The following NAALADL2 variants were observed in gnomAD, a reference collection of about 807,000 sequenced individuals.
NAALADL2 encodes the protein N-acetylated alpha-linked acidic dipeptidase like 2, also known as inactive N-acetylated-alpha-linked acidic dipeptidase-like protein 2.
Under a neutral mutation model 87.2 loss-of-function variants are expected in NAALADL2, and 76 were observed. The ratio of observed to expected loss-of-function variants is 0.87; its 90% confidence interval spans 0.72 to 1.05. The LOEUF is 1.05. Among genes scored for constraint, NAALADL2 ranks in the 50% least tolerant of loss-of-function variants. The pLI is 0.00. For missense variants in NAALADL2, 1,089 were observed against 945.8 expected, an observed-to-expected ratio of 1.15 and a Z score of -1.99; for synonymous variants, 354 against 331.0, an observed-to-expected ratio of 1.07 and a Z score of -0.75.
chr3:175,741,354 G>T (rs558283366), intron 12 of NAALADL2, among the ~76,000 whole-genome samples: 1 of 152,104 alleles, frequency 6.6e-6, no homozygotes, highest in Non-Finnish European at 1.5e-5. Flanking sequence ...AATTTTTTAG[G>T]GCTCTGGCCT....
intron 2 of NAALADL2, among the ~76,000 whole-genome samples, chr3:175,114,117 G>T (rs551168882): frequency 6.6e-6 from 1 of 151,598 alleles, no homozygotes; most frequent in South Asian, 2.1e-4. Context: ...GTACAGTCTG[G>T]TTTCAAAGAG....
chr3:175,141,470 TAG>T (rs573544402), intron 2 of NAALADL2, among the ~76,000 whole-genome samples: 61 of 152,004 alleles, frequency 4.0e-4, no homozygotes, highest in Non-Finnish European at 6.5e-4. Context: ...AGTTTTCAAA[TAG>T]AGAGAGTAGA....
chr3:175,445,753 A>G (rs13077057), intron 5 of NAALADL2, among the ~76,000 whole-genome samples: 123,213 of 152,182 alleles, frequency 0.81, 50,105 homozygotes, highest in Middle Eastern at 0.89. Flanking sequence ...TAAGCTAATA[A>G]TTGTCTCCCT....
intron 10 of NAALADL2, among the ~76,000 whole-genome samples, chr3:175,588,284 T>C (rs1720838022): frequency 6.6e-6 from 1 of 151,972 alleles, no homozygotes; most frequent in South Asian, 2.1e-4. Flanking sequence ...CTCAATTGGG[T>C]TTTGGTCTAA....
chr3:174,729,744 C>G lies in NAALADL2; in HGVS notation c.-114-7897C>G, dbSNP rs550643370. On this transcript the variant is annotated intron_variant, in intron 2 of 3. Coordinates refer to the NAALADL2 transcript ENST00000434257. ...TCTTAATTATTTTATCCCATCATTC[C>G]TCTTGTTTTGAAAAAAATTAAAAGA... Among the ~76,000 whole-genome samples the G allele has an allele frequency of 2.0e-5, 3 of 151,590 alleles. No homozygotes were observed. In the South Asian group the frequency reaches 6.3e-4, roughly 32 times the overall value.
chr3:175,349,753 A>G (rs569139277), intron 5 of NAALADL2, among the ~76,000 whole-genome samples: 4 of 152,276 alleles, frequency 2.6e-5, no homozygotes, highest in African/African-American at 7.2e-5. Context: ...TATTTGCACC[A>G]TAGTAGCCAT....
chr3:175,181,713 G>GTGTGTGTGTGTATATGCATATATA (rs1736526772), intron 2 of NAALADL2, among the ~76,000 whole-genome samples: 1 of 37,062 alleles, frequency 2.7e-5, no homozygotes, highest in Non-Finnish European at 5.8e-5. Flanking sequence ...ATGTGTGTGT[G>GTGTGTGTGTGTATATGCATATATA]TGTGTATATA....
intron 2 of NAALADL2, among the ~76,000 whole-genome samples, chr3:174,633,422 A>T (rs1194342483): frequency 1.3e-5 from 2 of 152,206 alleles, no homozygotes; most frequent in Non-Finnish European, 2.9e-5. Flanking sequence ...AGCCTGAAAC[A>T]TTGACTTTTA....
intron 4 of NAALADL2, among the ~76,000 whole-genome samples, chr3:175,315,653 T>C (rs529368106): frequency 1.4e-4 from 22 of 152,300 alleles, no homozygotes; most frequent in Middle Eastern, 3.4e-3. Context: ...CTATAAATAC[T>C]GTGAAATAGT....
intron 11 of NAALADL2, among the ~76,000 whole-genome samples, chr3:175,706,752 T>A (rs1007237451): frequency 6.6e-6 from 1 of 152,080 alleles, no homozygotes; most frequent in African/African-American, 2.4e-5. Context: ...CTAGAAAACG[T>A]CAAGGTTTGA....
intron 2 of NAALADL2, among the ~76,000 whole-genome samples, chr3:175,149,525 C>G (rs1174031261): frequency 6.6e-6 from 1 of 151,786 alleles, no homozygotes; most frequent in Non-Finnish European, 1.5e-5. Flanking sequence ...AAAACATTAG[C>G]TATGTCTTTT....
intron 1 of NAALADL2, among the ~76,000 whole-genome samples, chr3:174,972,497 C>T (rs537859735): frequency 2.0e-5 from 3 of 152,134 alleles, no homozygotes; most frequent in Non-Finnish European, 4.4e-5. Flanking sequence ...CACCTGCATC[C>T]TTGATATCTC....
intron 4 of NAALADL2, among the ~76,000 whole-genome samples, chr3:175,285,178 G>A (rs1293864680): frequency 6.6e-6 from 1 of 152,016 alleles, no homozygotes; most frequent in Non-Finnish European, 1.5e-5. Context: ...AGAGGGCAAA[G>A]GTAATATTTT....
At chr3:175,750,136 G>T (rs141016284) in intron 12 of NAALADL2, among the ~76,000 whole-genome samples, 38 of 152,288 alleles carry the variant, frequency 2.5e-4, no homozygotes, top group African/African-American at 8.9e-4. Flanking sequence ...GTCTTAACCA[G>T]ATGTATAATT....
chr3:174,549,052 TG>T (rs1711765623), intron 1 of NAALADL2, among the ~76,000 whole-genome samples: 1 of 152,144 alleles, frequency 6.6e-6, no homozygotes, highest in African/African-American at 2.4e-5. Context: ...TGTTGCCCAG[TG>T]GGGCCTCCAA....
At chr3:175,280,461 A>T (rs1231352736) in intron 4 of NAALADL2, among the ~76,000 whole-genome samples, 1 of 152,114 alleles carries the variant, frequency 6.6e-6, no homozygotes, top group African/African-American at 2.4e-5. Context: ...TACATTATAC[A>T]TTCGTAGTAA....
At chr3:174,839,836 A>T (rs571014794) in intron 3 of NAALADL2, among the ~76,000 whole-genome samples, 30 of 151,456 alleles carry the variant, frequency 2.0e-4, no homozygotes, top group East Asian at 7.7e-4. Flanking sequence ...AATAAAAAAA[A>T]AATAATAAAA....
At chr3:174,750,495 A>G (rs1409656871) in intron 3 of NAALADL2, among the ~76,000 whole-genome samples, 3 of 151,830 alleles carry the variant, frequency 2.0e-5, no homozygotes, top group African/African-American at 7.3e-5. Context: ...CAGTAGCACA[A>G]TCTCCACTTA....
At chr3:175,032,476 T>C (rs1304436710) in intron 1 of NAALADL2, among the ~76,000 whole-genome samples, 1 of 152,048 alleles carries the variant, frequency 6.6e-6, no homozygotes, top group Non-Finnish European at 1.5e-5. Context: ...CACCAAATAA[T>C]CCTCATTTCC....
Sources: gnomAD v4.1 joint callset for allele counts (sites outside exome capture counted in the v4.1 genomes callset) on GRCh38, gnomAD v4.1.1 for gene constraint, MANE v1.5 for transcripts, NCBI Gene and HGNC (gene_info 2026-07-23, HGNC 2026-07-21) for gene names.